Variants in TXNDC5 observed in about 807,000 individuals in gnomAD.
TXNDC5 encodes the protein thioredoxin domain containing 5, also known as thioredoxin domain-containing protein 5.
A neutral mutation model predicts 52.6 loss-of-function variants in TXNDC5; 44 were observed. That is an observed-to-expected ratio of 0.84 (90% CI 0.66 to 1.08). TXNDC5 has a LOEUF of 1.08. Among genes scored for constraint, TXNDC5 ranks in the 50% least tolerant of loss-of-function variants. The pLI, the probability that TXNDC5 is intolerant of heterozygous loss-of-function variation, is 0.00. For missense variants in TXNDC5, 600 were observed against 565.5 expected (o/e 1.06, Z -0.62); for synonymous variants, 241 against 234.4 (o/e 1.03, Z -0.26).
Position 7,883,613 on chromosome 6 carries a change from A to G in TXNDC5, c.1177-347T>C, listed in dbSNP as rs551106000. Among the ~76,000 whole-genome samples, 5 of 152,322 alleles carry G rather than the reference A, an allele frequency of 3.3e-5. No individual in the cohort carries two copies. In the South Asian group the frequency reaches 1.0e-3, roughly 32 times the overall value. On this transcript the variant is annotated intron_variant, in intron 9 of 9. Coordinates refer to ENST00000379757, the MANE Select transcript of TXNDC5 (RefSeq NM_030810.5). ...AGCAGGCCTGGGAGTCTGCATTTCC[A>G]ATGACCTCCCTGGCGATGCCCTGGT...
chr6:7,892,249 C>A (rs1760219166), intron 4 of TXNDC5, among the ~76,000 whole-genome samples: 1 of 152,200 alleles, frequency 6.6e-6, no homozygotes, highest in African/African-American at 2.4e-5. Context: ...AAACATCACA[C>A]TGAAACTGAT....
At chr6:7,893,265 G>A (rs1760258651) in intron 4 of TXNDC5, among the ~76,000 whole-genome samples, 1 of 152,228 alleles carries the variant, frequency 6.6e-6, no homozygotes, top group Admixed American at 6.5e-5. Context: ...CCACACTAAG[G>A]CTCACAGCTA....
chr6:7,906,764 G>GAA (rs112486820), intron 1 of TXNDC5, among the ~76,000 whole-genome samples: 4 of 144,484 alleles, frequency 2.8e-5, no homozygotes, highest in South Asian at 2.2e-4. Flanking sequence ...AAGGAAACAA[G>GAA]AAAAAAAAAA....
In TXNDC5 at chr6:7,883,122, G is replaced by C; in HGVS notation, c.*22C>G. 6.2e-7 allele frequency: 1 copy of C among 1,614,056 alleles called. No homozygotes were observed. Among genetic ancestry groups the C allele is most frequent in the Non-Finnish European group, 8.5e-7 (1 of 1,180,006 alleles). On this transcript the variant is annotated 3_prime_UTR_variant, in exon 10 of 10. Transcript: ENST00000379757. ...CGCAGGGTGCGGGAGCTGGGCAGGA[G>C]AGGTGACCTCCAACTGTGTTCCTAA...
chr6:7,884,279 G>C (rs1357130517), intron 9 of TXNDC5, 80 bp downstream of exon 9: 1 of 1,572,688 alleles, frequency 6.4e-7, no homozygotes, highest in African/African-American at 1.4e-5. Flanking sequence ...AGCAGAGTGA[G>C]TTATCGTGGT....
At chr6:7,903,178 C>T (rs571965556) in intron 2 of TXNDC5, among the ~76,000 whole-genome samples, 14 of 152,342 alleles carry the variant, frequency 9.2e-5, no homozygotes, top group African/African-American at 3.1e-4. Context: ...TTCACCTCCT[C>T]GCCCTCATCT....
Position 7,883,132 on chromosome 6 carries a change from C to T in TXNDC5, c.*12G>A, listed in dbSNP as rs1581302765. ...GGGAGCTGGGCAGGAGAGGTGACCT[C>T]CAACTGTGTTCCTAAAGTTCGTCTT... On this transcript the variant is annotated 3_prime_UTR_variant, in exon 10 of 10. Transcript: ENST00000379757. 1 of 1,614,084 alleles carries T rather than the reference C, an allele frequency of 6.2e-7. No individual in the cohort carries two copies. The highest frequency in any genetic ancestry group is 8.5e-7 in the Non-Finnish European group (1 of 1,180,004).
chr6:7,904,697 G>C lies in TXNDC5; in HGVS notation c.290C>G (p.Pro97Arg). Residue 97 changes from proline (P) to arginine (R), a missense_variant, in exon 2 of 10, where the codon CCG becomes CGG. Coordinates refer to ENST00000379757, the MANE Select transcript of TXNDC5 (RefSeq NM_030810.5). Reference protein sequence around the residue: ...PWCGHCQRLQPTWNDLGDKYN... With the variant: ...PWCGHCQRLQRTWNDLGDKYN... ...TTTGTCTCCCAGGTCATTCCAAGTC[G>C]GCTGCAGCCGCTGGCAGTGTCCACA... is the stretch of plus-strand genomic sequence containing the variant. 3.1e-6 allele frequency: 5 copies of C among 1,614,176 alleles called. No homozygotes were observed. The highest frequency in any genetic ancestry group is 4.2e-6 in the Non-Finnish European group (5 of 1,180,040).
intron 3 of TXNDC5, among the ~76,000 whole-genome samples, chr6:7,899,082 T>C (rs1355247649): frequency 6.6e-6 from 1 of 151,958 alleles, no homozygotes; most frequent in African/African-American, 2.4e-5. Flanking sequence ...GGGAGGAGGC[T>C]CCAGTGCTGG....
chr6:7,894,528 A>T (rs1054009142), intron 4 of TXNDC5, among the ~76,000 whole-genome samples: 1 of 152,246 alleles, frequency 6.6e-6, no homozygotes. Flanking sequence ...AATAAAGATA[A>T]TATCACAATA....
intron 6 of TXNDC5, 51 bp from the exon 7 acceptor site, chr6:7,888,899 A>G: frequency 2.6e-6 from 4 of 1,548,334 alleles, no homozygotes; most frequent in South Asian, 1.2e-5. Context: ...GGTGTTCTGA[A>G]TCACTTAAGC....
At chr6:7,904,344 T>C (rs1032000725) in intron 2 of TXNDC5, among the ~76,000 whole-genome samples, 26 of 152,138 alleles carry the variant, frequency 1.7e-4, no homozygotes, top group Admixed American at 4.6e-4. Context: ...CATTTTTCTC[T>C]TGCAAACACA....
intron 1 of TXNDC5, chr6:7,909,871 C>G: frequency 1.0e-6 from 1 of 986,036 alleles, no homozygotes; most frequent in Non-Finnish European, 1.2e-6. Flanking sequence ...CGCAGTCTGT[C>G]CCAGCCGACC....
chr6:7,888,977 T>G, intron 6 of TXNDC5, 129 bp from the exon 7 acceptor site: 1 of 1,228,704 alleles, frequency 8.1e-7, no homozygotes, highest in Non-Finnish European at 1.1e-6. Flanking sequence ...AAAGTCTGCA[T>G]GTTCATATTT....
At chr6:7,887,410 C>T (rs1320448696) in intron 7 of TXNDC5, among the ~76,000 whole-genome samples, 1 of 151,792 alleles carries the variant, frequency 6.6e-6, no homozygotes, top group Non-Finnish European at 1.5e-5. Flanking sequence ...CCAAGCTCAT[C>T]CCTTTCCTCG....
chr6:7,904,243 A>G (rs1180367971), intron 2 of TXNDC5, among the ~76,000 whole-genome samples: 1 of 152,222 alleles, frequency 6.6e-6, no homozygotes, highest in Non-Finnish European at 1.5e-5. Context: ...GTGTTTGCGA[A>G]TAAGTCACCA....
At chr6:7,883,830 G>A (rs960759531) in intron 9 of TXNDC5, among the ~76,000 whole-genome samples, 30 of 152,166 alleles carry the variant, frequency 2.0e-4, no homozygotes, top group Non-Finnish European at 4.4e-4. Flanking sequence ...GAAAAAAAAT[G>A]ACAAATCTTC....
In TXNDC5 at chr6:7,910,637, T is replaced by TCCGCCG. The variant is rs534980705; in HGVS notation, c.134_139dup (p.Ala45_Ala46dup). ...CTCGCCGTCTGCCGCGGGGGGCCCG[T>TCCGCCG]CCGCCGCCGCCGCCGCCGCCTCCTG... On this transcript the variant is annotated inframe_insertion, in exon 1 of 10. Transcript: ENST00000379757. The TCCGCCG allele has an allele frequency of 5.4e-4, 670 of 1,234,314 alleles. No homozygotes were observed. Among genetic ancestry groups the TCCGCCG allele is most frequent in the Non-Finnish European group, 6.5e-4 (628 of 964,330 alleles). 76.5% of individuals were successfully genotyped at this position (1,234,314 alleles called of 1,614,324 possible).
intron 1 of TXNDC5, among the ~76,000 whole-genome samples, chr6:7,907,311 G>A (rs139354746): frequency 4.8e-3 from 729 of 152,278 alleles, no homozygotes; most frequent in Non-Finnish European, 8.5e-3. Flanking sequence ...GGGGCCACAG[G>A]TGCTATCTAG....
Sources: allele counts gnomAD v4.1 joint callset (sites outside exome capture counted in the v4.1 genomes callset), GRCh38; gene constraint gnomAD v4.1.1; transcripts MANE v1.5; gene names NCBI Gene and HGNC (gene_info 2026-07-23, HGNC 2026-07-21).